MSANTD3: variants seen among roughly 807,000 people sequenced by gnomAD.
MSANTD3 encodes Myb/SANT DNA binding domain containing 3, also known as myb/SANT-like DNA-binding domain-containing protein 3.
In MSANTD3, 11 loss-of-function variants were observed where a neutral mutation model predicts 27.7. The ratio of observed to expected loss-of-function variants is 0.40; its 90% CI spans 0.25 to 0.66. MSANTD3 has a LOEUF of 0.66. MSANTD3 is among the 30% of genes least tolerant of loss of function. The pLI, the probability that MSANTD3 is intolerant of heterozygous loss-of-function variation, is 0.41. For synonymous variants in MSANTD3, 131 were observed against 127.2 expected, an observed-to-expected ratio of 1.03 and a Z score of -0.20; for missense variants, 250 against 336.5, an observed-to-expected ratio of 0.74 and a Z score of 2.01.
At chr9:100,427,690 C>T (rs913641841) in intron 1 of MSANTD3, 9 of 152,280 alleles carry the variant, frequency 5.9e-5, no homozygotes, top group African/African-American at 2.2e-4. Context: ...GGGAGCTGCT[C>T]GGGGGGAATC....
chr9:100,447,825 A>C (rs796569334), intron 2 of MSANTD3, among the ~76,000 whole-genome samples: 3 of 152,364 alleles, frequency 2.0e-5, no homozygotes, highest in African/African-American at 7.2e-5. Context: ...AGGTGCTATC[A>C]TCATCATTGT....
chr9:100,428,162 T>G (rs1836286939), intron 1 of MSANTD3, among the ~76,000 whole-genome samples: 1 of 152,192 alleles, frequency 6.6e-6, no homozygotes, highest in Non-Finnish European at 1.5e-5. Context: ...CAGTGAAGAA[T>G]TTAGTCTCCC....
At chr9:100,450,419 G>A in intron 2 of MSANTD3, 138 bp from the exon 3 acceptor site, 1 of 745,210 alleles carries the variant, frequency 1.3e-6, no homozygotes, top group Non-Finnish European at 2.0e-6. Flanking sequence ...TAGGGTCCCT[G>A]TAGACATGAA....
At chr9:100,436,349 G>GCTGT (rs1439311824) in intron 1 of MSANTD3, among the ~76,000 whole-genome samples, 1 of 152,140 alleles carries the variant, frequency 6.6e-6, no homozygotes, top group Non-Finnish European at 1.5e-5. Context: ...CATGTATGAT[G>GCTGT]CTGTGTGCAT....
At chr9:100,448,860 T>A in intron 2 of MSANTD3, 6 of 985,224 alleles carry the variant, frequency 6.1e-6, no homozygotes, top group Non-Finnish European at 6.0e-6. Flanking sequence ...TTTAAACTTC[T>A]CTTCCAGAAG....
chr9:100,450,118 A>G (rs373913029), intron 2 of MSANTD3, among the ~76,000 whole-genome samples: 2 of 152,318 alleles, frequency 1.3e-5, no homozygotes, highest in East Asian at 3.9e-4. Flanking sequence ...CAAAGATTAC[A>G]TATACGTGTT....
At chr9:100,437,050 C>T (rs1164872222) in intron 1 of MSANTD3, among the ~76,000 whole-genome samples, 1 of 152,206 alleles carries the variant, frequency 6.6e-6, no homozygotes, top group African/African-American at 2.4e-5. Flanking sequence ...GGTGATCCAC[C>T]TGCCTCGGCC....
At chr9:100,446,646 C>T (rs1481689065) in intron 2 of MSANTD3, among the ~76,000 whole-genome samples, 2 of 151,990 alleles carry the variant, frequency 1.3e-5, no homozygotes, top group Non-Finnish European at 2.9e-5. Context: ...GCCAACATGG[C>T]AAAACTCCTA....
rs1290138727 is a variant in MSANTD3 at position 100,448,723 on chromosome 9, G to A, written c.419-1834G>A. 5.1e-6 allele frequency: 5 copies of A among 985,266 alleles called. No individual in the cohort carries two copies. The East Asian group carries it at 5.7e-4, about 112-fold the overall frequency. The allele number at this position is 985,266 out of a possible 1,614,324, so 61.0% of individuals were successfully genotyped here. On this transcript the variant is annotated intron_variant, in intron 2 of 2. Transcript: ENST00000395067. ...CAGTTTTAACAAGTGTTCTGCCAGA[G>A]GTAGGCCCAGGAGGCAGTGGGAGCA...
At chr9:100,450,407 G>C (rs1329294739) in intron 2 of MSANTD3, 150 bp from the exon 3 acceptor site, 1 of 592,004 alleles carries the variant, frequency 1.7e-6, no homozygotes, top group Non-Finnish European at 2.6e-6. Flanking sequence ...GTCAGGTGTG[G>C]CTAGGGTCCC....
chr9:100,450,778 C>A lies in MSANTD3; in HGVS notation c.640C>A (p.Gln214Lys). Reference sequence around the variant, plus strand: ...GTCCATCTTACAACTGCAACTGATACAAATGAATGAGGTGCATGTGGCCAA... The same window carrying A: ...GTCCATCTTACAACTGCAACTGATAAAAATGAATGAGGTGCATGTGGCCAA... ...QMSILQLQLI[Q>K]MNEVHVAKIQ... The change falls in exon 3 of 3, where the codon CAA becomes AAA. Residue 214 changes from glutamine to lysine, a missense_variant. Coordinates refer to ENST00000395067, the MANE Select transcript of MSANTD3 (RefSeq NM_080655.3). 3 of 1,614,084 alleles carry A rather than the reference C, an allele frequency of 1.9e-6. No homozygotes were observed. Among genetic ancestry groups the A allele is most frequent in the Non-Finnish European group, 1.7e-6 (2 of 1,180,004 alleles).
chr9:100,447,845 A>ATCAT lies in MSANTD3; in HGVS notation c.419-2711_419-2708dup, dbSNP rs535827123. Among the ~76,000 whole-genome samples the ATCAT allele has an allele frequency of 2.5e-4, 38 of 152,326 alleles. 1 individual carries two copies. The South Asian group carries it at 7.9e-3, about 32-fold the overall frequency. Reference sequence around the variant, plus strand: ...CTATCATCATCATTGTCATCACCATATCATCATCAGGTCTCTAAAGCCTGG... The same window carrying ATCAT: ...CTATCATCATCATTGTCATCACCATATCATTCATCATCAGGTCTCTAAAGCCTGG... On this transcript the variant is annotated intron_variant, in intron 2 of 2. Coordinates refer to ENST00000395067, the MANE Select transcript of MSANTD3 (RefSeq NM_080655.3).
chr9:100,447,208 C>T (rs1223332910), intron 2 of MSANTD3, among the ~76,000 whole-genome samples: 4 of 152,166 alleles, frequency 2.6e-5, no homozygotes, highest in African/African-American at 9.7e-5. Flanking sequence ...CAGTGCCATT[C>T]CTAGGCTAGT....
At chr9:100,430,324 CAAA>C (rs35854801) in intron 1 of MSANTD3, among the ~76,000 whole-genome samples, 15 of 96,006 alleles carry the variant, frequency 1.6e-4, no homozygotes, top group East Asian at 3.3e-4. Flanking sequence ...GACTCTGTGT[CAAA>C]AAAAAAAAAA....
chr9:100,439,343 G>C (rs905271511), intron 1 of MSANTD3, among the ~76,000 whole-genome samples: 12 of 152,096 alleles, frequency 7.9e-5, no homozygotes. Context: ...TTAGTGTACT[G>C]TAAACTTAAA....
intron 2 of MSANTD3, chr9:100,448,384 C>T (rs1311721149): frequency 3.0e-6 from 3 of 985,122 alleles, no homozygotes; most frequent in African/African-American, 1.7e-5. Flanking sequence ...AAGACATTTT[C>T]AGATCCAAAA....
intron 2 of MSANTD3, among the ~76,000 whole-genome samples, chr9:100,446,265 A>G (rs905671874): frequency 3.3e-5 from 5 of 152,124 alleles, no homozygotes; most frequent in African/African-American, 1.2e-4. Flanking sequence ...TGGGGGTGAG[A>G]TCTCTGGTAC....
rs145810108 is a variant in MSANTD3 at position 100,446,419 on chromosome 9, T to G, written c.418+4063T>G. Among the ~76,000 whole-genome samples the G allele has an allele frequency of 1.4e-3, 219 of 152,302 alleles. 1 individual carries two copies. Among genetic ancestry groups the G allele is most frequent in the African/African-American group, 4.9e-3 (202 of 41,572 alleles). ...CTGCATCTGAATCATTCTAACGCGC[T>G]TGCATATCCTTTTACATGTGTTTTG... On this transcript the variant is annotated intron_variant, in intron 2 of 2. Transcript: ENST00000395067.
At chr9:100,443,161 A>G (rs1836669622) in intron 2 of MSANTD3, among the ~76,000 whole-genome samples, 1 of 152,126 alleles carries the variant, frequency 6.6e-6, no homozygotes, top group South Asian at 2.1e-4. Flanking sequence ...GCACTTTGGG[A>G]GGCTGAGGTG....
Sources: allele counts gnomAD v4.1 joint callset (sites outside exome capture counted in the v4.1 genomes callset), GRCh38; gene constraint gnomAD v4.1.1; transcripts MANE v1.5; gene names NCBI Gene and HGNC (gene_info 2026-07-23, HGNC 2026-07-21).